NRBP2: variants seen among roughly 807,000 people sequenced by gnomAD.
NRBP2 encodes the protein nuclear receptor binding protein 2, also known as nuclear receptor-binding protein 2.
A neutral mutation model predicts 74.4 loss-of-function variants in NRBP2; 47 were observed. The observed-to-expected ratio is 0.63, with a 90% CI of 0.50 to 0.81. The LOEUF (loss-of-function observed/expected upper bound fraction) is 0.81. NRBP2 is among the 30% of genes least tolerant of loss of function. NRBP2 has a pLI of 0.00. For missense variants in NRBP2, 613 were observed against 690.1 expected (o/e 0.89, Z 1.25); for synonymous variants, 312 against 273.8 (o/e 1.14, Z -1.38).
chr8:143,836,668 G>A (rs1350987557), intron 14 of NRBP2, among the ~76,000 whole-genome samples: 1 of 130,898 alleles, frequency 7.6e-6, no homozygotes, highest in East Asian at 2.7e-4. Flanking sequence ...AGATGTCCGG[G>A]AATCAGCACC....
Position 143,837,507 on chromosome 8 carries a change from G to T in NRBP2, c.976C>A (p.Leu326Ile). 1 of 1,609,080 alleles carries T rather than the reference G, an allele frequency of 6.2e-7. No individual in the cohort carries two copies. Reference sequence around the variant, plus strand: ...TCCTCCACCACATTCTCAGGCATGAGGTCTGCGGCCACAAGAGCATCAAGG... The same window carrying T: ...TCCTCCACCACATTCTCAGGCATGATGTCTGCGGCCACAAGAGCATCAAGG... ...AAHCFIQHQY[L>I]MPENVVEEKT... Residue 326 changes from leucine to isoleucine, a missense_variant and splice_region_variant, in exon 12 of 18, where the codon CTC (leucine) becomes ATC (isoleucine). Leu to Ile is a conservative substitution (Grantham distance 5). Transcript: ENST00000442628. The surrounding 1 kb of genome is among the most constrained non-coding windows in gnomAD (Gnocchi z 4.3).
Position 143,835,828 on chromosome 8 carries a change from G to A in NRBP2, c.1429C>T (p.Leu477Phe), listed in dbSNP as rs1260178717. The A allele has an allele frequency of 1.2e-6, 2 of 1,601,760 alleles. No individual in the cohort carries two copies. Among genetic ancestry groups the A allele is most frequent in the Non-Finnish European group, 1.7e-6 (2 of 1,175,848 alleles). ...CGCACCGCCCAGCGCACCTCGTGGA[G>A]GAAGCCATAGTGCACGAGCTCCGAG... is the stretch of plus-strand genomic sequence containing the variant. ...LASELVHYGF[L>F]HEDDRMKLAA... Residue 477 changes from leucine to phenylalanine, a missense_variant, in exon 17 of 18, where the codon CTC becomes TTC. Leu to Phe is a conservative substitution (Grantham distance 22). Around this residue, in one of 2 missense-constraint regions of NRBP2, gnomAD observed 281 missense variants for 260.9 expected, o/e 1.08. Transcript: ENST00000442628. The surrounding 1 kb of genome is among the most constrained non-coding windows in gnomAD (Gnocchi z 4.9).
downstream of NRBP2, among the ~76,000 whole-genome samples, chr8:143,832,586 C>A (rs1057124082): frequency 6.6e-6 from 1 of 152,254 alleles, no homozygotes; most frequent in Non-Finnish European, 1.5e-5. Context: ...GGAGGTGGGA[C>A]CTGCGGGCAG....
Position 143,835,994 on chromosome 8 carries a change from G to C in NRBP2, c.1354C>G (p.Arg452Gly). 6.3e-7 allele frequency: 1 copy of C among 1,577,918 alleles called. No individual in the cohort carries two copies. The highest frequency in any genetic ancestry group is 8.6e-7 in the Non-Finnish European group (1 of 1,162,262). ...LLLVLEDRLH[R>G]QLTYDLLPTD... ...GGGAGCAGGTCGTAGGTCAGCTGCCGGTGCAGCCGGTCTTCCAGCACCAGA... is the reference window on the plus strand; with the variant it reads ...GGGAGCAGGTCGTAGGTCAGCTGCCCGTGCAGCCGGTCTTCCAGCACCAGA... The change falls in exon 16 of 18, where the codon CGG (arginine) becomes GGG (glycine). Residue 452 changes from arginine (R) to glycine (G), a missense_variant. Arg to Gly is a moderately radical substitution (Grantham distance 125, BLOSUM62 -2). Coordinates refer to ENST00000442628, the MANE Select transcript of NRBP2 (RefSeq NM_178564.4). This position sits in a 1 kb window ranked among gnomAD's most constrained non-coding sequence, Gnocchi z 4.9.
In NRBP2 at chr8:143,837,350, G is replaced by A; in HGVS notation, c.1077-51C>T. 2 of 1,521,210 alleles carry A rather than the reference G, an allele frequency of 1.3e-6. No individual in the cohort carries two copies. The highest frequency in any genetic ancestry group is 1.4e-5 in the African/African-American group (1 of 73,426). 94.2% of individuals were successfully genotyped at this position (1,521,210 alleles called of 1,614,324 possible). ...AGGGGCTGGCCGGGGCGAGGGGAGG[G>A]GAGGTGCGGGGAGGGGAGGTGTGGG... On this transcript the variant is annotated intron_variant, in intron 12 of 17. Transcript: ENST00000442628. The surrounding 1 kb of genome is among the most constrained non-coding windows in gnomAD (Gnocchi z 4.3).
In NRBP2 at chr8:143,835,822, C is replaced by A; in HGVS notation, c.1435G>T (p.Glu479Ter). The change falls in exon 17 of 18, where the codon GAG (glutamate) becomes TAG (stop). Residue 479 changes from glutamate to a stop codon, truncating the protein, a stop_gained and splice_region_variant. Transcript: ENST00000442628. LOFTEE classifies it high-confidence loss of function. This position sits in a 1 kb window ranked among gnomAD's most constrained non-coding sequence, Gnocchi z 4.9. ...CCGCGCCGCACCGCCCAGCGCACCTCGTGGAGGAAGCCATAGTGCACGAGC... is the reference window on the plus strand; with the variant it reads ...CCGCGCCGCACCGCCCAGCGCACCTAGTGGAGGAAGCCATAGTGCACGAGC... Reference protein sequence around the residue: ...SELVHYGFLHEDDRMKLAAFL... With the variant: ...SELVHYGFLH 1 of 1,600,722 alleles carries A rather than the reference C, an allele frequency of 6.2e-7. No individual in the cohort carries two copies. Among genetic ancestry groups the A allele is most frequent in the Non-Finnish European group, 8.5e-7 (1 of 1,175,184 alleles).
downstream of NRBP2, among the ~76,000 whole-genome samples, chr8:143,830,135 C>G (rs1036850171): frequency 6.6e-6 from 1 of 152,252 alleles, no homozygotes; most frequent in East Asian, 1.9e-4. Context: ...ACAGACACTT[C>G]TACTTAAATA....
rs551554238 is a variant in NRBP2 at position 143,840,114 on chromosome 8, G to A, written c.245C>T (p.Ala82Val). The A allele has an allele frequency of 1.3e-5, 20 of 1,536,020 alleles. No individual in the cohort carries two copies. The highest frequency in any genetic ancestry group is 7.3e-5 in the East Asian group (3 of 40,922). ...AGGGGGCAGCGGTCTCACCTCGTGCGCCGCGAAGGCCTTCCTGTCTCCGAA... is the reference window on the plus strand; with the variant it reads ...AGGGGGCAGCGGTCTCACCTCGTGCACCGCGAAGGCCTTCCTGTCTCCGAA... ...LHFGDRKAFAAHEEKIQTVFE... is the reference protein window; with the variant it reads ...LHFGDRKAFAVHEEKIQTVFE... The change falls in exon 2 of 18, where the codon GCG becomes GTG. Residue 82 changes from alanine to valine, a missense_variant. Physicochemically the swap from Ala to Val is moderately conservative, Grantham distance 64. Coordinates refer to ENST00000442628, the MANE Select transcript of NRBP2 (RefSeq NM_178564.4). The surrounding 1 kb of genome is among the most constrained non-coding windows in gnomAD (Gnocchi z 5.7).
At chr8:143,836,957 C>T (rs1554651951) in intron 14 of NRBP2, 82 bp downstream of exon 14, 3 of 1,473,512 alleles carry the variant, frequency 2.0e-6, no homozygotes, top group African/African-American at 1.4e-5. Flanking sequence ...GGGATGCAGG[C>T]CCTAAGAGAA....
intron 14 of NRBP2, 131 bp downstream of exon 14, chr8:143,836,908 G>T: frequency 9.4e-7 from 1 of 1,064,240 alleles, no homozygotes; most frequent in Non-Finnish European, 1.4e-6. Context: ...GGTCAGCCTG[G>T]ATCTGGTCTC....
intron 10 of NRBP2, chr8:143,838,079 A>T: frequency 1.7e-6 from 1 of 581,352 alleles, no homozygotes; most frequent in South Asian, 1.6e-5. Context: ...GCTCGGGCCC[A>T]ACACTGGAGA....
rs1554653045 is a variant in NRBP2 at position 143,839,557 on chromosome 8, C to A, written c.445-8G>T. The A allele has an allele frequency of 6.5e-7, 1 of 1,529,914 alleles. No homozygotes were observed. Among genetic ancestry groups the A allele is most frequent in the Non-Finnish European group, 8.7e-7 (1 of 1,144,292 alleles). 94.8% of individuals were successfully genotyped at this position (1,529,914 alleles called of 1,614,324 possible). A position where few individuals can be genotyped will look rare whatever the true frequency, so the allele number is the denominator to read the frequency against. ...GCACCAGCGCTTCCAGGCCTGGCGGCGGACGCACGACTCCGTCGGTCGGGT... is the reference window on the plus strand; with the variant it reads ...GCACCAGCGCTTCCAGGCCTGGCGGAGGACGCACGACTCCGTCGGTCGGGT... On this transcript the variant is annotated splice_region_variant and splice_polypyrimidine_tract_variant and intron_variant, in intron 4 of 17. Transcript: ENST00000442628. This position sits in a 1 kb window ranked among gnomAD's most constrained non-coding sequence, Gnocchi z 5.1.
Position 143,837,777 on chromosome 8 carries a change from C to A in NRBP2, c.841-22G>T. 6.4e-7 allele frequency: 1 copy of A among 1,555,392 alleles called. No homozygotes were observed. Among genetic ancestry groups the A allele is most frequent in the Non-Finnish European group, 8.7e-7 (1 of 1,148,848 alleles). ...ACTCCTGGGGCACAGGGAGGAGAGG[C>A]TGGTGGTGTGCAAGGGCTCTCTGCT... is the stretch of plus-strand genomic sequence containing the variant. On this transcript the variant is annotated intron_variant, in intron 10 of 17. Coordinates refer to ENST00000442628, the MANE Select transcript of NRBP2 (RefSeq NM_178564.4). The surrounding 1 kb of genome is among the most constrained non-coding windows in gnomAD (Gnocchi z 4.3).
chr8:143,830,254 A>G (rs147076303), downstream of NRBP2, among the ~76,000 whole-genome samples: 150 of 152,402 alleles, frequency 9.8e-4, no homozygotes, highest in African/African-American at 3.5e-3. Context: ...GCAGAGCTTA[A>G]GAAAGGTGGA....
chr8:143,836,387 T>G (rs1554651795), intron 14 of NRBP2, among the ~76,000 whole-genome samples: 2 of 151,942 alleles, frequency 1.3e-5, no homozygotes, highest in African/African-American at 4.8e-5. Context: ...ATAGGAGCTT[T>G]CACCGCGGAG....
rs782121951 is a variant in NRBP2, at chr8:143,837,730, C to A, written c.866G>T (p.Arg289Leu). The change falls in exon 11 of 18, where the codon CGG becomes CTG. Residue 289 changes from arginine (R) to leucine (L), a missense_variant. Transcript: ENST00000442628. The surrounding 1 kb of genome is among the most constrained non-coding windows in gnomAD (Gnocchi z 4.3). ...MREFILCCLA[R>L]DPARRPSAHS... ...GGCAGAGGGCCGGCGGGCAGGGTCC[C>A]GGGCCAGGCAGCAAAGGATGAACTC... is the stretch of plus-strand genomic sequence containing the variant. The A allele has an allele frequency of 6.4e-7, 1 of 1,561,668 alleles. No individual in the cohort carries two copies. The highest frequency in any genetic ancestry group is 2.3e-5 in the East Asian group (1 of 42,554).
At chr8:143,836,699 G>A (rs1450506249) in intron 14 of NRBP2, among the ~76,000 whole-genome samples, 1 of 129,422 alleles carries the variant, frequency 7.7e-6, no homozygotes, top group Admixed American at 7.3e-5. Context: ...TGGGAGGGGT[G>A]GGGGGGGTGG....
rs1370336923 is a variant in NRBP2, at chr8:143,834,846, C to G, written c.*816G>C. 1 of 152,548 alleles carries G rather than the reference C, an allele frequency of 6.6e-6. No homozygotes were observed. Among genetic ancestry groups the G allele is most frequent in the Non-Finnish European group, 1.5e-5 (1 of 68,320 alleles). 9.4% of individuals were successfully genotyped at this position (152,548 alleles called of 1,614,324 possible). The stretch of plus-strand genomic sequence containing the variant: ...ACATCCTCAGAGGCCCAGGGAGCAG[C>G]TGCCCCAGGGAGGAGGTGCGGGAGG... On this transcript the variant is annotated 3_prime_UTR_variant, in exon 18 of 18. Transcript: ENST00000442628.
In NRBP2 at chr8:143,834,430, G is replaced by A. The variant is rs1410165499; in HGVS notation, c.*1232C>T. 1 of 152,348 alleles carries A rather than the reference G, an allele frequency of 6.6e-6. No homozygotes were observed. The highest frequency in any genetic ancestry group is 6.5e-5 in the Admixed American group (1 of 15,306). 9.4% of individuals were successfully genotyped at this position (152,348 alleles called of 1,614,324 possible). A position where few individuals can be genotyped will look rare whatever the true frequency, so the allele number is the denominator to read the frequency against. On this transcript the variant is annotated 3_prime_UTR_variant, in exon 18 of 18. Transcript: ENST00000442628. ...CAGCAGCCTGAAGGAGCAGGAGACA[G>A]AGTCTCCCCTAGAACCTCCAGGAAG...
Sources: gnomAD v4.1 joint callset for allele counts (sites outside exome capture counted in the v4.1 genomes callset) on GRCh38, gnomAD v4.1.1 for gene constraint, gnomAD v4.1.1 regional missense constraint, Gnocchi (gnomAD v3.1) non-coding constraint, MANE v1.5 for transcripts, NCBI Gene and HGNC (gene_info 2026-07-23, HGNC 2026-07-21) for gene names.